The following ADAM32 variants were observed in gnomAD, a reference collection of about 807,000 sequenced individuals.
ADAM32 encodes ADAM metallopeptidase domain 32.
Under a neutral mutation model 114.9 loss-of-function variants are expected in ADAM32, and 89 were observed. The ratio of observed to expected loss-of-function variants is 0.77; its 90% confidence interval spans 0.65 to 0.92. ADAM32 has a LOEUF of 0.92. ADAM32 is among the 40% of genes least tolerant of loss of function. ADAM32 has a pLI of 0.00. For missense variants in ADAM32, 870 were observed against 932.8 expected (o/e 0.93, Z 0.88); for synonymous variants, 285 against 307.5 (o/e 0.93, Z 0.77).
At position 39,233,762 on chromosome 8, in the gene ADAM32, G is replaced by A. The variant is rs756289357; in HGVS notation, c.1635-137G>A. On this transcript the variant is annotated intron_variant, in intron 15 of 24. Transcript: ENST00000379907. ...TTTTTTTACTTTTTACTTTGTTACC[G>A]TGAAAACATTAACGTTTTCTGTAAG... 7.4e-5 allele frequency: 40 copies of A among 541,438 alleles called. 1 individual carries two copies. The highest frequency in any genetic ancestry group is 5.8e-4 in the East Asian group (17 of 29,214). The allele number at this position is 541,438 out of a possible 1,614,324, so 33.5% of individuals were successfully genotyped here.
chr8:39,212,915 C>A (rs1375000160), intron 12 of ADAM32, among the ~76,000 whole-genome samples: 1 of 152,104 alleles, frequency 6.6e-6, no homozygotes, highest in Admixed American at 6.6e-5. Context: ...TTGTTATTAT[C>A]CACTTCTTAA....
chr8:39,123,856 G>A (rs899066391), intron 2 of ADAM32, among the ~76,000 whole-genome samples: 4 of 151,834 alleles, frequency 2.6e-5, no homozygotes, highest in Admixed American at 1.3e-4. Context: ...ACAGGCACAC[G>A]CCATGACACC....
At chr8:39,124,906 C>T (rs1009081930) in intron 2 of ADAM32, among the ~76,000 whole-genome samples, 3 of 152,166 alleles carry the variant, frequency 2.0e-5, no homozygotes, top group African/African-American at 7.2e-5. Flanking sequence ...GCCTCTAGGT[C>T]TTTGAGGAAT....
Position 39,211,342 on chromosome 8 carries a change from G to A in ADAM32, c.1233+18G>A. On this transcript the variant is annotated intron_variant, in intron 12 of 24. Transcript: ENST00000379907. Reference sequence around the variant, plus strand: ...CTGAGGCTGTAAGTATGATAACTAGGAAAATTGATTAATAAATTTATTGTT... The same window carrying A: ...CTGAGGCTGTAAGTATGATAACTAGAAAAATTGATTAATAAATTTATTGTT... The A allele has an allele frequency of 6.9e-7, 1 of 1,440,198 alleles. No homozygotes were observed. Among genetic ancestry groups the A allele is most frequent in the South Asian group, 1.5e-5 (1 of 64,838 alleles). 89.2% of individuals were successfully genotyped at this position (1,440,198 alleles called of 1,614,324 possible). A position where few individuals can be genotyped will look rare whatever the true frequency, so the allele number is the denominator to read the frequency against.
intron 14 of ADAM32, among the ~76,000 whole-genome samples, chr8:39,229,832 T>C (rs1033899871): frequency 6.6e-6 from 1 of 152,118 alleles, no homozygotes; most frequent in Non-Finnish European, 1.5e-5. Flanking sequence ...AACTATACCT[T>C]GGAACAAATG....
At position 39,223,029 on chromosome 8, in the gene ADAM32, A is replaced by G. The variant is rs779927282; in HGVS notation, c.1327-11A>G. The G allele has an allele frequency of 7.1e-6, 11 of 1,545,284 alleles. No homozygotes were observed. The Admixed American group carries it at 1.9e-4, about 27-fold the overall frequency. Reference sequence around the variant, plus strand: ...GTAATGCTTTATTTTTTATGTTCTAACTTCTCTTAGATTTTACAATCAGGC... The same window carrying G: ...GTAATGCTTTATTTTTTATGTTCTAGCTTCTCTTAGATTTTACAATCAGGC... On this transcript the variant is annotated splice_polypyrimidine_tract_variant and intron_variant, in intron 13 of 24. Transcript: ENST00000379907.
intron 4 of ADAM32, among the ~76,000 whole-genome samples, chr8:39,147,537 CTT>C (rs1455888443): frequency 4.6e-5 from 7 of 151,940 alleles, no homozygotes; most frequent in African/African-American, 1.2e-4. Context: ...ATCAAAAACT[CTT>C]TGTTTTTTTC....
chr8:39,118,842 G>A (rs1840482091), intron 2 of ADAM32, among the ~76,000 whole-genome samples: 1 of 152,126 alleles, frequency 6.6e-6, no homozygotes, highest in South Asian at 2.1e-4. Context: ...ATAGAATTGT[G>A]CAAACATTAC....
At chr8:39,203,363 A>G (rs1352472003) in intron 11 of ADAM32, among the ~76,000 whole-genome samples, 1 of 152,138 alleles carries the variant, frequency 6.6e-6, no homozygotes, top group African/African-American at 2.4e-5. Context: ...TTCTTGTTGA[A>G]TTGATCCCTT....
At chr8:39,146,691 G>A (rs899373201) in intron 3 of ADAM32, among the ~76,000 whole-genome samples, 2 of 152,182 alleles carry the variant, frequency 1.3e-5, no homozygotes, top group Non-Finnish European at 2.9e-5. Context: ...GATTACAGGT[G>A]TGAGCCACCA....
intron 19 of ADAM32, among the ~76,000 whole-genome samples, chr8:39,262,744 G>C (rs1269308246): frequency 6.7e-6 from 1 of 149,256 alleles, no homozygotes; most frequent in Non-Finnish European, 1.5e-5. Context: ...CTCTTGCTCT[G>C]TCGCCCAGGC....
At chr8:39,163,970 C>T (rs954140776) in intron 7 of ADAM32, among the ~76,000 whole-genome samples, 18 of 152,092 alleles carry the variant, frequency 1.2e-4, no homozygotes, top group African/African-American at 4.1e-4. Flanking sequence ...ATTTCAAGAG[C>T]GATGTATATG....
chr8:39,221,363 C>G (rs759900121), intron 12 of ADAM32: 6 of 372,414 alleles, frequency 1.6e-5, no homozygotes, highest in Non-Finnish European at 2.9e-5. Flanking sequence ...CTGACATTCT[C>G]CATGTCTTTT....
In ADAM32 at chr8:39,221,593, A is replaced by C. The variant is rs1042373815; in HGVS notation, c.1234-17A>C. 1 of 1,589,258 alleles carries C rather than the reference A, an allele frequency of 6.3e-7. No homozygotes were observed. The highest frequency in any genetic ancestry group is 1.3e-5 in the African/African-American group (1 of 74,388). On this transcript the variant is annotated splice_polypyrimidine_tract_variant and intron_variant, in intron 12 of 24. Coordinates refer to ENST00000379907, the MANE Select transcript of ADAM32 (RefSeq NM_145004.7). ...TGTCATGATGTATTTTTACTTGTAC[A>C]TTTCACTAATTCATAGCAATGTGGA...
Position 39,234,101 on chromosome 8 carries a change from A to G in ADAM32, c.1818+19A>G, listed in dbSNP as rs773952063. The G allele has an allele frequency of 3.1e-6, 4 of 1,296,454 alleles. No individual in the cohort carries two copies. The highest frequency in any genetic ancestry group is 2.4e-5 in the South Asian group (1 of 42,278). 80.3% of individuals were successfully genotyped at this position (1,296,454 alleles called of 1,614,324 possible). Reference sequence around the variant, plus strand: ...TGGGAGGGTAAATAATTTAAAATCTATTTAAAAAATATAGTTTTATTTATT... The same window carrying G: ...TGGGAGGGTAAATAATTTAAAATCTGTTTAAAAAATATAGTTTTATTTATT... On this transcript the variant is annotated intron_variant, in intron 16 of 24. Coordinates refer to ENST00000379907, the MANE Select transcript of ADAM32 (RefSeq NM_145004.7).
intron 2 of ADAM32, among the ~76,000 whole-genome samples, chr8:39,125,971 T>C (rs1453727537): frequency 1.3e-5 from 2 of 152,194 alleles, no homozygotes; most frequent in African/African-American, 4.8e-5. Flanking sequence ...CAGATGGTTG[T>C]AGGCATGCGG....
chr8:39,144,305 G>C (rs1803363022), intron 3 of ADAM32, among the ~76,000 whole-genome samples: 1 of 152,224 alleles, frequency 6.6e-6, no homozygotes, highest in Non-Finnish European at 1.5e-5. Flanking sequence ...CTTTTGTGTT[G>C]ATCTTGCTAG....
chr8:39,162,716 A>C (rs1335707302), intron 7 of ADAM32, among the ~76,000 whole-genome samples: 1 of 149,676 alleles, frequency 6.7e-6, no homozygotes, highest in Non-Finnish European at 1.5e-5. Context: ...GTAAAAAAAA[A>C]CCCTTGGTCG....
At chr8:39,273,511 A>T (rs1022553079) in intron 20 of ADAM32, among the ~76,000 whole-genome samples, 5 of 148,484 alleles carry the variant, frequency 3.4e-5, no homozygotes, top group Admixed American at 1.3e-4. Context: ...TGGGAGACAG[A>T]GCAAGACTCC....
Sources: gnomAD v4.1 joint callset for allele counts (sites outside exome capture counted in the v4.1 genomes callset) on GRCh38, gnomAD v4.1.1 for gene constraint, MANE v1.5 for transcripts, NCBI Gene and HGNC (gene_info 2026-07-23, HGNC 2026-07-21) for gene names.